NRG3: variants seen among roughly 807,000 people sequenced by gnomAD.
NRG3 encodes pro-neuregulin-3, membrane-bound isoform.
Under a neutral mutation model 66.9 loss-of-function variants are expected in NRG3, and 31 were observed. That is an observed-to-expected ratio of 0.46 (90% CI 0.35 to 0.63). The LOEUF is 0.63. Among genes scored for constraint, NRG3 ranks in the 20% least tolerant of loss-of-function variants. The probability of loss-of-function intolerance (pLI) is 0.00; values close to 1 mark genes in which losing one functional copy is unlikely to be tolerated. For synonymous variants in NRG3, 393 were observed against 359.4 expected, an observed-to-expected ratio of 1.09 and a Z score of -1.06; for missense variants, 910 against 878.9, an observed-to-expected ratio of 1.04 and a Z score of -0.45.
At chr10:82,782,845 G>A (rs542279180) in intron 3 of NRG3, among the ~76,000 whole-genome samples, 13 of 152,102 alleles carry the variant, frequency 8.5e-5, no homozygotes, top group Admixed American at 3.3e-4. Flanking sequence ...GGAATCCTCC[G>A]TAACTCATTT....
rs545603297 is a variant in NRG3, at chr10:82,525,644, A to G, written c.953+166776A>G. ...TCTAGGGTGAGGAACATCATGCAAT[A>G]ATGATAAAGCATATCAAATATAATC... On this transcript the variant is annotated intron_variant, in intron 2 of 8. Coordinates refer to ENST00000372141, the MANE Select transcript of NRG3 (RefSeq NM_001010848.4). Among the ~76,000 whole-genome samples the G allele has an allele frequency of 2.0e-5, 3 of 152,026 alleles. No individual in the cohort carries two copies. In the South Asian group the frequency reaches 6.2e-4, roughly 32 times the overall value.
intron 1 of NRG3, among the ~76,000 whole-genome samples, chr10:81,939,455 A>G (rs1304006037): frequency 3.3e-5 from 5 of 152,076 alleles, no homozygotes; most frequent in African/African-American, 9.6e-5. Flanking sequence ...CTTACTAGTT[A>G]TAGAGCTGTT....
chr10:82,775,147 A>G (rs2059863442), intron 3 of NRG3, among the ~76,000 whole-genome samples: 1 of 151,480 alleles, frequency 6.6e-6, no homozygotes, highest in Non-Finnish European at 1.5e-5. Context: ...TTCTTCTGAT[A>G]AATTTGGGTT....
chr10:82,059,337 A>G (rs1171990560), intron 1 of NRG3, among the ~76,000 whole-genome samples: 2 of 152,214 alleles, frequency 1.3e-5, no homozygotes, highest in African/African-American at 4.8e-5. Context: ...ATGGCCTAGT[A>G]AATGTGGAAG....
At chr10:82,555,005 C>A (rs768986326) in intron 2 of NRG3, among the ~76,000 whole-genome samples, 1 of 152,128 alleles carries the variant, frequency 6.6e-6, no homozygotes, top group Non-Finnish European at 1.5e-5. Context: ...TTCCTCCACT[C>A]CCTCACTGTG....
chr10:82,707,738 G>T (rs1175684369), intron 2 of NRG3, among the ~76,000 whole-genome samples: 1 of 150,868 alleles, frequency 6.6e-6, no homozygotes, highest in Non-Finnish European at 1.5e-5. Flanking sequence ...GCCAGGCATG[G>T]TGGCTCATGC....
intron 2 of NRG3, among the ~76,000 whole-genome samples, chr10:82,362,333 ATGTGTGTGTGTGTGTGTGTGTGTGTGTG>A (rs56996997): frequency 8.8e-5 from 12 of 135,892 alleles, no homozygotes; most frequent in Non-Finnish European, 1.4e-4. Context: ...GTATATATAT[ATGTGTGTGTGTGTGTGTGTGTGTGTGTG>A]TGTGTGTGTG....
intron 1 of NRG3, among the ~76,000 whole-genome samples, chr10:81,885,499 G>A (rs1211141006): frequency 6.6e-5 from 10 of 152,108 alleles, no homozygotes; most frequent in Admixed American, 6.6e-4. Context: ...ATATTCTGCC[G>A]GGGGTACTAC....
chr10:82,349,720 C>CCGTGGG (rs1281770636), intron 1 of NRG3, among the ~76,000 whole-genome samples: 10 of 152,116 alleles, frequency 6.6e-5, no homozygotes, highest in Non-Finnish European at 4.4e-5. Context: ...CAGGGAGACT[C>CCGTGGG]CGTGGGCGTA....
intron 3 of NRG3, among the ~76,000 whole-genome samples, chr10:82,856,676 A>C (rs1363460960): frequency 3.4e-5 from 5 of 145,144 alleles, no homozygotes; most frequent in Non-Finnish European, 7.5e-5. Flanking sequence ...CCTGGGAGGC[A>C]GAGGCTGCAG....
At chr10:82,877,356 A>G (rs1841915452) in intron 4 of NRG3, among the ~76,000 whole-genome samples, 1 of 146,020 alleles carries the variant, frequency 6.8e-6, no homozygotes, top group South Asian at 2.1e-4. Context: ...TTCACAGTTC[A>G]GTGCATAGGG....
At chr10:82,422,429 C>T (rs1000515937) in intron 2 of NRG3, among the ~76,000 whole-genome samples, 2 of 151,986 alleles carry the variant, frequency 1.3e-5, no homozygotes, top group African/African-American at 4.8e-5. Context: ...ACTGGGAAAG[C>T]CCCTGTTAAT....
chr10:82,919,289 G>A lies in NRG3; in HGVS notation c.1055-32180G>A. On this transcript the variant is annotated intron_variant, in intron 4 of 8. Transcript: ENST00000372141. ...CCTTCTGCAGTATACATCTAGACTG[G>A]CAATTGACGGAGATATGCTCCAAGA... 2.0e-5 allele frequency among the ~76,000 whole-genome samples: 3 copies of A among 152,028 alleles called. 1 individual carries two copies. The highest frequency in any genetic ancestry group is 4.4e-5 in the Non-Finnish European group (3 of 68,002).
intron 2 of NRG3, among the ~76,000 whole-genome samples, chr10:82,405,485 C>T (rs7915956): frequency 0.2 from 27,674 of 138,304 alleles, 3,000 homozygotes; most frequent in African/African-American, 0.31. Context: ...AATGGAGTCT[C>T]GCTCTGTAGC....
intron 4 of NRG3, among the ~76,000 whole-genome samples, chr10:82,898,928 T>G (rs1467429109): frequency 1.3e-5 from 2 of 151,778 alleles, no homozygotes; most frequent in African/African-American, 4.8e-5. Flanking sequence ...AGCCAGAGGG[T>G]CTCAATCTCC....
chr10:82,609,616 T>A (rs549450338), intron 2 of NRG3, among the ~76,000 whole-genome samples: 9 of 151,218 alleles, frequency 6.0e-5, no homozygotes, highest in Admixed American at 5.9e-4. Flanking sequence ...GAGAGAAAAT[T>A]GGAAAAAAAA....
intron 3 of NRG3, among the ~76,000 whole-genome samples, chr10:82,852,125 C>T (rs986136211): frequency 7.2e-5 from 11 of 152,108 alleles, no homozygotes; most frequent in Admixed American, 4.6e-4. Context: ...CAACACTGAT[C>T]GACAGGGAAC....
intron 1 of NRG3, among the ~76,000 whole-genome samples, chr10:81,967,730 G>A (rs905414446): frequency 2.0e-5 from 3 of 152,000 alleles, no homozygotes; most frequent in Non-Finnish European, 4.4e-5. Flanking sequence ...CTTTCATAGT[G>A]TTTGGGTAGA....
At chr10:82,361,006 G>A (rs982497851) in intron 2 of NRG3, among the ~76,000 whole-genome samples, 25 of 152,198 alleles carry the variant, frequency 1.6e-4, no homozygotes, top group African/African-American at 6.0e-4. Context: ...CATTACTTCT[G>A]TGAAGACCTT....
Sources: gnomAD v4.1 joint callset for allele counts (sites outside exome capture counted in the v4.1 genomes callset) on GRCh38, gnomAD v4.1.1 for gene constraint, MANE v1.5 for transcripts, NCBI Gene and HGNC (gene_info 2026-07-23, HGNC 2026-07-21) for gene names.